KANSL1: variants seen among roughly 807,000 people sequenced by gnomAD.
KANSL1 encodes the protein KAT8 regulatory NSL complex subunit 1, also known as MLL1/MLL complex subunit KANSL1.
Under a neutral mutation model 103.6 loss-of-function variants are expected in KANSL1, and 22 were observed. The observed-to-expected ratio is 0.21, with a 90% CI of 0.15 to 0.30. The LOEUF (loss-of-function observed/expected upper bound fraction) is 0.30. KANSL1 is among the 10% of genes least tolerant of loss of function. The probability of loss-of-function intolerance (pLI) is 1.00; values close to 1 mark genes in which losing one functional copy is unlikely to be tolerated. For synonymous variants in KANSL1, 600 were observed against 527.6 expected, an observed-to-expected ratio of 1.14 and a Z score of -1.88; for missense variants, 1,337 against 1,399.8, an observed-to-expected ratio of 0.96 and a Z score of 0.72.
intron 2 of KANSL1, among the ~76,000 whole-genome samples, chr17:46,145,974 C>T (rs1479685114): frequency 6.6e-6 from 1 of 152,212 alleles, no homozygotes; most frequent in Non-Finnish European, 1.5e-5. Context: ...AGTGATCCTC[C>T]CACCTTGGCC....
intron 5 of KANSL1, among the ~76,000 whole-genome samples, chr17:46,067,237 A>G (rs2078413285): frequency 6.6e-6 from 1 of 152,204 alleles, no homozygotes; most frequent in African/African-American, 2.4e-5. Context: ...TTGGAGATCT[A>G]ATCTGTCCTA....
intron 9 of KANSL1, 103 bp downstream of exon 9, chr17:46,038,924 A>G: frequency 7.0e-7 from 1 of 1,418,608 alleles, no homozygotes; most frequent in Non-Finnish European, 9.6e-7. Flanking sequence ...CTTTCCTAGA[A>G]AGTGAAGGAC....
rs147552413 is a variant in KANSL1, at chr17:46,166,213, C to CAA, written c.1289+4640_1289+4641dup. The stretch of plus-strand genomic sequence containing the variant: ...TGGGCGACAGAGTGAGACTCTGTCT[C>CAA]AAAAAAAAAAAAAAAGGGCTGGGCA... On this transcript the variant is annotated intron_variant, in intron 2 of 14. Transcript: ENST00000432791. Among the ~76,000 whole-genome samples, 140 of 95,028 alleles carry CAA rather than the reference C, an allele frequency of 1.5e-3. 2 individuals are homozygous for CAA. The highest frequency in any genetic ancestry group is 4.1e-3 in the East Asian group (15 of 3,658). 62.3% of individuals were successfully genotyped at this position (95,028 alleles called of 152,430 possible).
chr17:46,046,777 C>T (rs1052209213), intron 7 of KANSL1, among the ~76,000 whole-genome samples: 6 of 146,280 alleles, frequency 4.1e-5, no homozygotes, highest in Non-Finnish European at 8.9e-5. Context: ...GCGGAGGTTG[C>T]AGTGACCCGA....
At chr17:46,207,607 A>T (rs2048015105) in intron 1 of KANSL1, among the ~76,000 whole-genome samples, 1 of 152,236 alleles carries the variant, frequency 6.6e-6, no homozygotes. Context: ...GTGTATAAAA[A>T]TAAAATTAAA....
At position 46,056,444 on chromosome 17, in the gene KANSL1, T is replaced by G. The variant is rs1001003456; in HGVS notation, c.1849-5740A>C. ...CCTTGACTCCGCCACTTACTAGCTG[T>G]GTGGCCTTAAGACAAGTTACTGTGT... On this transcript the variant is annotated intron_variant, in intron 6 of 14. Coordinates refer to ENST00000432791, the MANE Select transcript of KANSL1 (RefSeq NM_015443.4). Among the ~76,000 whole-genome samples the G allele has an allele frequency of 4.1e-5, 6 of 147,684 alleles. No individual in the cohort carries two copies. The East Asian group carries it at 7.7e-4, about 19-fold the overall frequency.
At chr17:46,206,123 T>C (rs764292596) in intron 1 of KANSL1, among the ~76,000 whole-genome samples, 891 of 149,778 alleles carry the variant, frequency 5.9e-3, no homozygotes, top group Admixed American at 0.015. Context: ...TATCCCATGT[T>C]CATGGATGAG....
intron 1 of KANSL1, among the ~76,000 whole-genome samples, chr17:46,215,466 T>C: frequency 6.6e-6 from 1 of 152,168 alleles, no homozygotes; most frequent in South Asian, 2.1e-4. Flanking sequence ...TGGCAGCGAC[T>C]TGGAAGAGAG....
At chr17:46,151,881 T>A (rs1473466196) in intron 2 of KANSL1, among the ~76,000 whole-genome samples, 2 of 152,232 alleles carry the variant, frequency 1.3e-5, no homozygotes, top group African/African-American at 4.8e-5. Flanking sequence ...TGGTCCCTAA[T>A]CTGAAAAACA....
At chr17:46,051,112 T>C (rs915995986) in intron 6 of KANSL1, among the ~76,000 whole-genome samples, 2 of 152,216 alleles carry the variant, frequency 1.3e-5, no homozygotes, top group Non-Finnish European at 2.9e-5. Context: ...GGTGGGACAT[T>C]ACTTGCTTTC....
chr17:46,070,681 T>C (rs1170140684), intron 4 of KANSL1, among the ~76,000 whole-genome samples: 1 of 152,148 alleles, frequency 6.6e-6, no homozygotes, highest in Non-Finnish European at 1.5e-5. Flanking sequence ...AGAAAAATGC[T>C]GTTTAAAAAT....
rs1472936610 is a variant in KANSL1 at position 46,039,231 on chromosome 17, G to GA, written c.2204-17dup. 1 of 1,543,302 alleles carries GA rather than the reference G, an allele frequency of 6.5e-7. No individual in the cohort carries two copies. The highest frequency in any genetic ancestry group is 1.4e-5 in the African/African-American group (1 of 71,404). On this transcript the variant is annotated splice_polypyrimidine_tract_variant and intron_variant, in intron 8 of 14. Coordinates refer to ENST00000432791, the MANE Select transcript of KANSL1 (RefSeq NM_015443.4). ...TGGGACAGCTCTGAAGAGGGGAACA[G>GA]AAAAAGAGCTGTGAAATATGTCCTC... is the stretch of plus-strand genomic sequence containing the variant.
intron 1 of KANSL1, among the ~76,000 whole-genome samples, chr17:46,219,971 C>T (rs1236755875): frequency 2.6e-5 from 4 of 152,020 alleles, no homozygotes; most frequent in East Asian, 2.0e-4. Flanking sequence ...GGCGTGGTGG[C>T]GGGCGCCTGT....
chr17:46,070,020 C>G (rs959155051), intron 4 of KANSL1, among the ~76,000 whole-genome samples: 9 of 152,138 alleles, frequency 5.9e-5, no homozygotes, highest in Non-Finnish European at 1.5e-5. Flanking sequence ...AAGCTCTATG[C>G]AGATTTCCCT....
intron 1 of KANSL1, among the ~76,000 whole-genome samples, chr17:46,189,524 T>C (rs2047206197): frequency 6.6e-6 from 1 of 152,198 alleles, no homozygotes; most frequent in South Asian, 2.1e-4. Flanking sequence ...TCTTTAAACA[T>C]GGCGTTTACT....
At chr17:46,210,656 A>T (rs1347319284) in intron 1 of KANSL1, among the ~76,000 whole-genome samples, 1 of 152,176 alleles carries the variant, frequency 6.6e-6, no homozygotes, top group Non-Finnish European at 1.5e-5. Flanking sequence ...TAACATTTTA[A>T]TATATTGTAC....
At chr17:46,140,566 A>AC (rs2044370299) in intron 2 of KANSL1, among the ~76,000 whole-genome samples, 1 of 152,226 alleles carries the variant, frequency 6.6e-6, no homozygotes, top group Non-Finnish European at 1.5e-5. Flanking sequence ...TCAAAATTTA[A>AC]AACTTCTGTA....
intron 2 of KANSL1, among the ~76,000 whole-genome samples, chr17:46,101,679 G>T (rs556688889): frequency 1.3e-5 from 2 of 148,172 alleles, no homozygotes; most frequent in South Asian, 4.2e-4. Context: ...GCTTGAACCC[G>T]GGAGGCAGAG....
chr17:46,218,812 A>G (rs1434118545), intron 1 of KANSL1, among the ~76,000 whole-genome samples: 2 of 152,200 alleles, frequency 1.3e-5, no homozygotes, highest in Admixed American at 6.5e-5. Context: ...AATTACAATA[A>G]GAACAGTAGT....
Sources: allele counts gnomAD v4.1 joint callset (sites outside exome capture counted in the v4.1 genomes callset), GRCh38; gene constraint gnomAD v4.1.1; transcripts MANE v1.5; gene names NCBI Gene and HGNC (gene_info 2026-07-23, HGNC 2026-07-21).